The following ADGRB3 variants were observed in gnomAD, a reference collection of about 807,000 sequenced individuals.
The protein encoded by ADGRB3 is adhesion G protein-coupled receptor B3, also known as brain-specific angiogenesis inhibitor 3.
Under a neutral mutation model 193.4 loss-of-function variants are expected in ADGRB3, and 37 were observed. That is an observed-to-expected ratio of 0.19 (90% CI 0.15 to 0.25). ADGRB3 has a LOEUF of 0.25. Among genes scored for constraint, ADGRB3 ranks in the 10% least tolerant of loss-of-function variants. The probability of loss-of-function intolerance (pLI) is 1.00; values close to 1 mark genes in which losing one functional copy is unlikely to be tolerated. For synonymous variants in ADGRB3, 690 were observed against 644.2 expected, an observed-to-expected ratio of 1.07 and a Z score of -1.08; for missense variants, 1,637 against 1,852.9, an observed-to-expected ratio of 0.88 and a Z score of 2.14.
At chr6:69,057,766 A>G (rs148369575) in intron 15 of ADGRB3, among the ~76,000 whole-genome samples, 2 of 152,160 alleles carry the variant, frequency 1.3e-5, no homozygotes, top group Middle Eastern at 3.4e-3. Flanking sequence ...ACATCTTTGC[A>G]TTTCAGAAAT....
rs181716036 is a variant in ADGRB3 at position 69,382,955 on chromosome 6, A to G, written c.4380+20A>G. 43 of 1,494,204 alleles carry G rather than the reference A, an allele frequency of 2.9e-5. No homozygotes were observed. The highest frequency in any genetic ancestry group is 1.0e-4 in the South Asian group (9 of 86,384). The allele number at this position is 1,494,204 out of a possible 1,614,324, so 92.6% of individuals were successfully genotyped here. A position where few individuals can be genotyped will look rare whatever the true frequency, so the allele number is the denominator to read the frequency against. ...AGTATGGTAAGTATGCTTTGCTTCA[A>G]TGCCTGAGTAGAAGATGCATCATGT... On this transcript the variant is annotated intron_variant, in intron 31 of 31. Transcript: ENST00000370598.
In ADGRB3 at chr6:68,639,512, G is replaced by A. The variant is rs1768032918; in HGVS notation, c.757+80G>A. 3.8e-5 allele frequency: 53 copies of A among 1,404,874 alleles called. 1 individual carries two copies. The South Asian group carries it at 7.7e-4, about 20-fold the overall frequency. 87.0% of individuals were successfully genotyped at this position (1,404,874 alleles called of 1,614,324 possible). A position where few individuals can be genotyped will look rare whatever the true frequency, so the allele number is the denominator to read the frequency against. On this transcript the variant is annotated intron_variant, in intron 3 of 31. Coordinates refer to ENST00000370598, the MANE Select transcript of ADGRB3 (RefSeq NM_001704.3). Reference sequence around the variant, plus strand: ...TTAAAACGTGCTGTTTCAACACACAGGCCTAATTATTTATCCTTTATTGTC... The same window carrying A: ...TTAAAACGTGCTGTTTCAACACACAAGCCTAATTATTTATCCTTTATTGTC...
chr6:68,767,082 C>T (rs1008722929), intron 3 of ADGRB3, among the ~76,000 whole-genome samples: 6 of 151,982 alleles, frequency 3.9e-5, no homozygotes, highest in African/African-American at 1.2e-4. Flanking sequence ...TTAAAATAAG[C>T]GTTCTTTTAA....
chr6:68,797,599 G>A (rs1454589050), intron 3 of ADGRB3, among the ~76,000 whole-genome samples: 1 of 152,006 alleles, frequency 6.6e-6, no homozygotes, highest in Non-Finnish European at 1.5e-5. Flanking sequence ...GTACTTAAGG[G>A]TTAGGCCTGG....
intron 3 of ADGRB3, among the ~76,000 whole-genome samples, chr6:68,749,100 G>A (rs1486760235): frequency 6.6e-6 from 1 of 152,042 alleles, no homozygotes; most frequent in African/African-American, 2.4e-5. Context: ...TTTTCCTCCT[G>A]GGCCTCTTGG....
At chr6:69,119,473 GA>G (rs1445716299) in intron 17 of ADGRB3, among the ~76,000 whole-genome samples, 2 of 152,150 alleles carry the variant, frequency 1.3e-5, no homozygotes, top group Non-Finnish European at 1.5e-5. Context: ...TATGTGCTTT[GA>G]AAAAATAAAA....
At chr6:68,908,111 ATTAT>A (rs549987111) in intron 3 of ADGRB3, among the ~76,000 whole-genome samples, 23 of 152,090 alleles carry the variant, frequency 1.5e-4, no homozygotes, top group South Asian at 2.1e-4. Flanking sequence ...AAGACAATAA[ATTAT>A]TTAATTAACT....
chr6:68,892,544 C>G (rs144901070), intron 3 of ADGRB3, among the ~76,000 whole-genome samples: 22 of 152,220 alleles, frequency 1.4e-4, no homozygotes, highest in African/African-American at 4.8e-4. Flanking sequence ...ATCATAATTT[C>G]TATTTATTTA....
intron 20 of ADGRB3, among the ~76,000 whole-genome samples, chr6:69,305,419 T>C (rs572556325): frequency 3.3e-5 from 5 of 151,540 alleles, no homozygotes; most frequent in Non-Finnish European, 7.4e-5. Context: ...TATTTCTTTG[T>C]TGGAATCATG....
At chr6:68,798,804 GT>G (rs1767260393) in intron 3 of ADGRB3, among the ~76,000 whole-genome samples, 1 of 152,202 alleles carries the variant, frequency 6.6e-6, no homozygotes, top group African/African-American at 2.4e-5. Flanking sequence ...GAAGAAGCAA[GT>G]TAGTGGGTTC....
chr6:68,961,898 T>C (rs545616088), intron 8 of ADGRB3, among the ~76,000 whole-genome samples: 48 of 152,312 alleles, frequency 3.2e-4, no homozygotes, highest in Non-Finnish European at 6.2e-4. Context: ...GAATTTATAT[T>C]ATTTTCTGCT....
chr6:69,075,897 A>G, intron 16 of ADGRB3, 98 bp from the exon 17 acceptor site: 2 of 897,514 alleles, frequency 2.2e-6, no homozygotes, highest in South Asian at 1.6e-5. Flanking sequence ...TTACCACAAG[A>G]TAAGAAATCT....
intron 3 of ADGRB3, among the ~76,000 whole-genome samples, chr6:68,859,022 A>G (rs948228458): frequency 6.6e-6 from 1 of 151,234 alleles, no homozygotes; most frequent in African/African-American, 2.4e-5. Context: ...CTACTACATC[A>G]TCAAGCTGTA....
At chr6:69,367,083 A>G (rs948492953) in intron 29 of ADGRB3, among the ~76,000 whole-genome samples, 1 of 152,144 alleles carries the variant, frequency 6.6e-6, no homozygotes, top group Non-Finnish European at 1.5e-5. Flanking sequence ...CATTTATTGT[A>G]AGAAATAAAA....
At chr6:68,872,313 T>C (rs563817) in intron 3 of ADGRB3, among the ~76,000 whole-genome samples, 47,557 of 151,920 alleles carry the variant, frequency 0.31, 8,078 homozygotes, top group East Asian at 0.59. Flanking sequence ...CTACCTGTTG[T>C]ATTTATTTTA....
At chr6:69,182,418 A>C (rs939718862) in intron 17 of ADGRB3, among the ~76,000 whole-genome samples, 1 of 151,948 alleles carries the variant, frequency 6.6e-6, no homozygotes, top group African/African-American at 2.4e-5. Flanking sequence ...GAAAAAAAAA[A>C]AAACAGAAGG....
chr6:69,160,830 C>T (rs1028653753), intron 17 of ADGRB3, among the ~76,000 whole-genome samples: 1 of 152,026 alleles, frequency 6.6e-6, no homozygotes, highest in South Asian at 2.1e-4. Flanking sequence ...TTTATATAGG[C>T]AATTACCTCT....
At position 68,761,329 on chromosome 6, in the gene ADGRB3, CTTT is replaced by C. The variant is rs995474854; in HGVS notation, c.757+121898_757+121900del. ...ATATTTATATAAATGACCTAAACTT[CTTT>C]ATTTGTCCCTTTCTTTTGACTCACC... On this transcript the variant is annotated intron_variant, in intron 3 of 31. Coordinates refer to ENST00000370598, the MANE Select transcript of ADGRB3 (RefSeq NM_001704.3). 1.9e-4 allele frequency among the ~76,000 whole-genome samples: 28 copies of C among 144,290 alleles called. 3 individuals are homozygous for C. Among genetic ancestry groups the C allele is most frequent in the African/African-American group, 7.5e-4 (28 of 37,304 alleles). 94.7% of individuals were successfully genotyped at this position (144,290 alleles called of 152,430 possible). A position where few individuals can be genotyped will look rare whatever the true frequency, so the allele number is the denominator to read the frequency against.
chr6:69,340,205 A>G (rs993848995), intron 26 of ADGRB3, among the ~76,000 whole-genome samples: 12 of 152,202 alleles, frequency 7.9e-5, no homozygotes, highest in African/African-American at 2.9e-4. Context: ...GTCATATTTC[A>G]TGAATGCAGA....
Sources: allele counts gnomAD v4.1 joint callset (sites outside exome capture counted in the v4.1 genomes callset), GRCh38; gene constraint gnomAD v4.1.1; transcripts MANE v1.5; gene names NCBI Gene and HGNC (gene_info 2026-07-23, HGNC 2026-07-21).